The following GNAQ variants were observed in gnomAD, a reference collection of about 807,000 sequenced individuals.
The protein encoded by GNAQ is G protein subunit alpha q.
In GNAQ, 8 loss-of-function variants were observed where a neutral mutation model predicts 43.9. That is an observed-to-expected ratio of 0.18 (90% CI 0.11 to 0.33). The LOEUF is 0.33. Ranked by LOEUF, GNAQ falls within the 10% of genes least tolerant of loss-of-function variation. GNAQ has a pLI of 1.00. For synonymous variants in GNAQ, 155 were observed against 170.7 expected, an observed-to-expected ratio of 0.91 and a Z score of 0.71; for missense variants, 158 against 450.8, an observed-to-expected ratio of 0.35 and a Z score of 5.88.
At chr9:77,749,354 A>G (rs1825777944) in intron 5 of GNAQ, among the ~76,000 whole-genome samples, 1 of 152,278 alleles carries the variant, frequency 6.6e-6, no homozygotes, top group African/African-American at 2.4e-5. Flanking sequence ...ACTCCTTACT[A>G]TAAATAAACA....
chr9:77,908,870 C>T (rs1828754358), intron 2 of GNAQ, among the ~76,000 whole-genome samples: 1 of 152,142 alleles, frequency 6.6e-6, no homozygotes, highest in Non-Finnish European at 1.5e-5. Flanking sequence ...TACAAATATG[C>T]ATTTTAATGA....
chr9:78,030,005 C>G (rs1824030126), intron 1 of GNAQ, among the ~76,000 whole-genome samples: 1 of 152,080 alleles, frequency 6.6e-6, no homozygotes, highest in African/African-American at 2.4e-5. Flanking sequence ...CAGAGATAAT[C>G]ATCAATAAAT....
chr9:78,013,761 T>C (rs977267963), intron 1 of GNAQ, among the ~76,000 whole-genome samples: 1 of 152,086 alleles, frequency 6.6e-6, no homozygotes, highest in African/African-American at 2.4e-5. Context: ...GGTTGGCAAA[T>C]ACCTGCCAGA....
At chr9:77,748,909 T>C (rs1454359036) in intron 5 of GNAQ, among the ~76,000 whole-genome samples, 1 of 152,028 alleles carries the variant, frequency 6.6e-6, no homozygotes, top group African/African-American at 2.4e-5. Context: ...TCCACCAGTA[T>C]AAAAAAGTTG....
chr9:77,827,278 C>T (rs1388909100), intron 2 of GNAQ, among the ~76,000 whole-genome samples: 4 of 150,386 alleles, frequency 2.7e-5, no homozygotes, highest in East Asian at 2.0e-4. Flanking sequence ...AGCATATCCA[C>T]GCATGCTCTT....
intron 5 of GNAQ, among the ~76,000 whole-genome samples, chr9:77,746,238 G>C (rs184373440): frequency 4.7e-4 from 72 of 152,272 alleles, no homozygotes; most frequent in Admixed American, 1.8e-3. Context: ...GAAAGCTACA[G>C]AAGGATATGT....
At chr9:77,871,734 A>T (rs1828041249) in intron 2 of GNAQ, among the ~76,000 whole-genome samples, 1 of 152,160 alleles carries the variant, frequency 6.6e-6, no homozygotes, top group Non-Finnish European at 1.5e-5. Flanking sequence ...GTGTACTATA[A>T]AAACATCACT....
At chr9:77,756,638 C>A (rs745437126) in intron 5 of GNAQ, among the ~76,000 whole-genome samples, 13 of 152,210 alleles carry the variant, frequency 8.5e-5, no homozygotes, top group Non-Finnish European at 1.6e-4. Context: ...CTCTACTGAA[C>A]TGGATTGCTT....
At chr9:78,025,065 A>G (rs1032326166) in intron 1 of GNAQ, among the ~76,000 whole-genome samples, 4 of 152,194 alleles carry the variant, frequency 2.6e-5, no homozygotes, top group Non-Finnish European at 1.5e-5. Flanking sequence ...GCACTGCAAC[A>G]TGGACATTTA....
chr9:78,021,527 A>G (rs1235642484), intron 1 of GNAQ, among the ~76,000 whole-genome samples: 4 of 152,234 alleles, frequency 2.6e-5, no homozygotes, highest in Non-Finnish European at 5.9e-5. Flanking sequence ...TGATGGAAAA[A>G]GAAATGAACA....
chr9:77,745,682 G>A (rs1213151096), intron 5 of GNAQ, among the ~76,000 whole-genome samples: 1 of 150,764 alleles, frequency 6.6e-6, no homozygotes, highest in African/African-American at 2.4e-5. Flanking sequence ...AAATTTCTCA[G>A]GAAGTAGAAA....
intron 5 of GNAQ, among the ~76,000 whole-genome samples, chr9:77,738,317 C>CCACACACACA (rs10637243): frequency 6.6e-6 from 1 of 150,734 alleles, no homozygotes; most frequent in Non-Finnish European, 1.5e-5. Flanking sequence ...ACGCTACAAA[C>CCACACACACA]CACACACACA....
intron 5 of GNAQ, among the ~76,000 whole-genome samples, chr9:77,745,448 A>G (rs1160332905): frequency 6.6e-6 from 1 of 152,200 alleles, no homozygotes; most frequent in African/African-American, 2.4e-5. Flanking sequence ...GATCAATGCA[A>G]AAACTTAAAA....
At chr9:77,965,134 G>C (rs1029984276) in intron 1 of GNAQ, among the ~76,000 whole-genome samples, 2 of 151,814 alleles carry the variant, frequency 1.3e-5, no homozygotes, top group African/African-American at 4.8e-5. Context: ...ACTTTACTCT[G>C]AATTATCTAA....
intron 2 of GNAQ, among the ~76,000 whole-genome samples, chr9:77,842,943 CA>C (rs1292586269): frequency 6.6e-6 from 1 of 152,146 alleles, no homozygotes; most frequent in African/African-American, 2.4e-5. Flanking sequence ...TGAAAGGGCT[CA>C]AATGACAGAC....
intron 2 of GNAQ, among the ~76,000 whole-genome samples, chr9:77,921,084 G>T (rs1403124896): frequency 6.6e-6 from 1 of 152,132 alleles, no homozygotes; most frequent in Non-Finnish European, 1.5e-5. Context: ...TCTTATTGAA[G>T]GCTCTAAAAT....
At chr9:77,936,260 A>T (rs540130815) in intron 1 of GNAQ, among the ~76,000 whole-genome samples, 1 of 152,210 alleles carries the variant, frequency 6.6e-6, no homozygotes, top group Admixed American at 6.5e-5. Context: ...AGGGGAAGAG[A>T]TATCATAACC....
chr9:77,942,624 A>G (rs1414377758), intron 1 of GNAQ, among the ~76,000 whole-genome samples: 1 of 152,312 alleles, frequency 6.6e-6, no homozygotes, highest in South Asian at 2.1e-4. Flanking sequence ...AAAGTAGAAA[A>G]TCAATCAACA....
At chr9:77,952,226 A>G (rs1003758309) in intron 1 of GNAQ, among the ~76,000 whole-genome samples, 6 of 152,236 alleles carry the variant, frequency 3.9e-5, no homozygotes, top group Non-Finnish European at 7.3e-5. Flanking sequence ...TTTTATATTT[A>G]AAATAACATT....
Sources: allele counts gnomAD v4.1 joint callset (sites outside exome capture counted in the v4.1 genomes callset), GRCh38; gene constraint gnomAD v4.1.1; transcripts MANE v1.5; gene names NCBI Gene and HGNC (gene_info 2026-07-23, HGNC 2026-07-21).